Variants in MCTP2 observed in about 807,000 individuals in gnomAD.
MCTP2 encodes multiple C2 and transmembrane domain-containing protein 2.
A neutral mutation model predicts 111.6 loss-of-function variants in MCTP2; 132 were observed. The observed-to-expected ratio is 1.18, with a 90% CI of 1.03 to 1.37. The LOEUF (loss-of-function observed/expected upper bound fraction) is 1.37. MCTP2 is among the 40% of genes most tolerant of loss of function. The pLI, the probability that MCTP2 is intolerant of heterozygous loss-of-function variation, is 0.00. For missense variants in MCTP2, 1,183 were observed against 1,067.9 expected, an observed-to-expected ratio of 1.11 and a Z score of -1.50; for synonymous variants, 395 against 387.7, an observed-to-expected ratio of 1.02 and a Z score of -0.22.
At chr15:94,464,570 A>G (rs538027774) in intron 20 of MCTP2, among the ~76,000 whole-genome samples, 5 of 151,812 alleles carry the variant, frequency 3.3e-5, no homozygotes, top group East Asian at 1.9e-4. Flanking sequence ...TACTACTCGT[A>G]TATTTTTCTA....
At chr15:94,326,476 T>C (rs2076875867) in intron 4 of MCTP2, among the ~76,000 whole-genome samples, 2 of 152,222 alleles carry the variant, frequency 1.3e-5, no homozygotes, top group Non-Finnish European at 2.9e-5. Flanking sequence ...ATTGCCAATT[T>C]ACTCTTGAGA....
In MCTP2 at chr15:94,297,702, G is replaced by A. The variant is rs138976942; in HGVS notation, c.-65-499G>A. 3.7e-3 allele frequency among the ~76,000 whole-genome samples: 556 copies of A among 152,194 alleles called. 1 individual carries two copies. Among genetic ancestry groups the A allele is most frequent in the African/African-American group, 0.012 (488 of 41,524 alleles). Reference sequence around the variant, plus strand: ...TATTCTGTCTGTCTCCTTTGATGTCGCACAGCAGAGTTGAGTAGTAGCGAC... The same window carrying A: ...TATTCTGTCTGTCTCCTTTGATGTCACACAGCAGAGTTGAGTAGTAGCGAC... On this transcript the variant is annotated intron_variant, in intron 1 of 22. Coordinates refer to ENST00000357742, the MANE Select transcript of MCTP2 (RefSeq NM_001385001.1).
At chr15:94,243,546 C>T (rs561842363) in intron 1 of MCTP2, among the ~76,000 whole-genome samples, 4 of 145,256 alleles carry the variant, frequency 2.8e-5, no homozygotes, top group African/African-American at 5.1e-5. Context: ...TGCGTGCATA[C>T]GTATGCGTAT....
Position 94,320,062 on chromosome 15 carries a change from T to C in MCTP2, c.637+4425T>C, listed in dbSNP as rs1019816701. Among the ~76,000 whole-genome samples the C allele has an allele frequency of 2.0e-5, 3 of 152,160 alleles. No homozygotes were observed. The South Asian group carries it at 6.2e-4, about 31-fold the overall frequency. On this transcript the variant is annotated intron_variant, in intron 4 of 22. Transcript: ENST00000357742. ...TTTTACCTTTATAAAACATATACCT[T>C]TATCCTTAATTGGGGAAATGACTGA... is the stretch of plus-strand genomic sequence containing the variant.
intron 10 of MCTP2, among the ~76,000 whole-genome samples, chr15:94,364,696 C>A (rs915889591): frequency 4.6e-5 from 7 of 152,020 alleles, no homozygotes; most frequent in African/African-American, 1.7e-4. Context: ...ACATTATTTG[C>A]AATTTGAGGG....
At chr15:94,399,783 T>G (rs2081466763) in intron 15 of MCTP2, 138 bp from the exon 16 acceptor site, 4 of 704,606 alleles carry the variant, frequency 5.7e-6, no homozygotes, top group Admixed American at 2.2e-5. Flanking sequence ...GGCACAGGGG[T>G]GTCCACCATT....
intron 10 of MCTP2, among the ~76,000 whole-genome samples, chr15:94,362,462 C>A (rs903777199): frequency 6.6e-6 from 1 of 152,116 alleles, no homozygotes; most frequent in Non-Finnish European, 1.5e-5. Context: ...CTCCTCAGTC[C>A]CAGATGGTGC....
At chr15:94,403,072 G>A in intron 17 of MCTP2, 1 of 986,822 alleles carries the variant, frequency 1.0e-6, no homozygotes, top group Non-Finnish European at 1.2e-6. Context: ...AAGTATATCA[G>A]CTCCAAAAGA....
At chr15:94,392,204 C>T (rs1480151105) in intron 14 of MCTP2, among the ~76,000 whole-genome samples, 1 of 151,704 alleles carries the variant, frequency 6.6e-6, no homozygotes, top group African/African-American at 2.4e-5. Context: ...ACCCTGTCTC[C>T]ACTAAAAAAT....
intron 2 of MCTP2, among the ~76,000 whole-genome samples, chr15:94,303,333 G>T (rs766817596): frequency 2.5e-4 from 38 of 151,774 alleles, no homozygotes; most frequent in Non-Finnish European, 2.6e-4. Flanking sequence ...ATGGGAGAAA[G>T]GTGTAGGCTG....
chr15:94,398,917 A>G, intron 14 of MCTP2, 44 bp from the exon 15 acceptor site: 1 of 1,188,076 alleles, frequency 8.4e-7, no homozygotes, highest in East Asian at 2.3e-5. Context: ...TAAACCACAT[A>G]GTAATTTTGC....
intron 21 of MCTP2, among the ~76,000 whole-genome samples, chr15:94,474,876 A>T (rs2074228065): frequency 6.6e-6 from 1 of 151,280 alleles, no homozygotes; most frequent in African/African-American, 2.4e-5. Context: ...TTTTTCAAAC[A>T]TAGATAGTCT....
At chr15:94,281,253 G>A (rs1156357382) in intron 1 of MCTP2, among the ~76,000 whole-genome samples, 1 of 152,108 alleles carries the variant, frequency 6.6e-6, no homozygotes. Context: ...CCAGTGTTGG[G>A]TACATATAAA....
intron 4 of MCTP2, among the ~76,000 whole-genome samples, chr15:94,332,127 C>T: frequency 6.6e-6 from 1 of 152,078 alleles, no homozygotes. Context: ...TCTCAGATGG[C>T]CGAGGAAAAA....
intron 4 of MCTP2, among the ~76,000 whole-genome samples, chr15:94,318,556 A>C (rs1012328190): frequency 6.6e-6 from 1 of 152,144 alleles, no homozygotes; most frequent in Non-Finnish European, 1.5e-5. Context: ...TACAGGTGTG[A>C]GCCACCACGC....
Position 94,301,277 on chromosome 15 carries a change from T to TCCCTTG in MCTP2, c.465+2548_465+2549insCCTTGC. On this transcript the variant is annotated intron_variant, in intron 2 of 22. Transcript: ENST00000357742. ...GACGGAGGGACGGGAGTGCGGCTGA[T>TCCCTTG]CAGACCCCTAGGATCCCTTGCAGTC... 2.6e-5 allele frequency among the ~76,000 whole-genome samples: 4 copies of TCCCTTG among 152,166 alleles called. No individual in the cohort carries two copies. In the South Asian group the frequency reaches 8.3e-4, roughly 32 times the overall value.
At chr15:94,282,917 A>C (rs1465004770) in intron 1 of MCTP2, among the ~76,000 whole-genome samples, 1 of 152,046 alleles carries the variant, frequency 6.6e-6, no homozygotes, top group African/African-American at 2.4e-5. Flanking sequence ...GCTGTGCTGG[A>C]GGAGCTGAAG....
chr15:94,439,225 A>G (rs2083642908), intron 17 of MCTP2, among the ~76,000 whole-genome samples: 1 of 152,242 alleles, frequency 6.6e-6, no homozygotes, highest in South Asian at 2.1e-4. Flanking sequence ...AAATGTTAGA[A>G]AAAGTTTTTA....
Position 94,370,120 on chromosome 15 carries a change from G to A in MCTP2, c.1522G>A (p.Val508Ile), listed in dbSNP as rs772110471. 1.7e-5 allele frequency: 28 copies of A among 1,612,954 alleles called. No homozygotes were observed. The highest frequency in any genetic ancestry group is 1.3e-4 in the East Asian group (6 of 44,790). ...LQNSLKDVKDVGILQVKVLKA... is the reference protein window; with the variant it reads ...LQNSLKDVKDIGILQVKVLKA... Reference sequence around the variant, plus strand: ...GAACTCCCTGAAAGATGTGAAAGACGTCGGCATTCTACAAGTGAAGGTTTT... The same window carrying A: ...GAACTCCCTGAAAGATGTGAAAGACATCGGCATTCTACAAGTGAAGGTTTT... Residue 508 changes from valine to isoleucine, a missense_variant, in exon 12 of 23, where the codon GTC (valine) becomes ATC (isoleucine). Val to Ile is a conservative substitution (Grantham distance 29). Transcript: ENST00000357742.
Sources: gnomAD v4.1 joint callset for allele counts (sites outside exome capture counted in the v4.1 genomes callset) on GRCh38, gnomAD v4.1.1 for gene constraint, MANE v1.5 for transcripts, NCBI Gene and HGNC (gene_info 2026-07-23, HGNC 2026-07-21) for gene names.